The following CDH4 variants were observed in gnomAD, a reference collection of about 807,000 sequenced individuals.
The protein encoded by CDH4 is cadherin-4.
CDH4 carries 33 observed loss-of-function variants against 86.0 expected under a neutral mutation model. The observed-to-expected ratio is 0.38, with a 90% confidence interval of 0.29 to 0.51. CDH4 has a LOEUF of 0.51. CDH4 is among the 20% of genes least tolerant of loss of function. CDH4 has a pLI of 0.86. For synonymous variants in CDH4, 555 were observed against 549.4 expected (o/e 1.01, Z -0.14); for missense variants, 1,114 against 1,307.4 (o/e 0.85, Z 2.28).
intron 2 of CDH4, among the ~76,000 whole-genome samples, chr20:61,305,186 G>T (rs933516633): frequency 1.3e-5 from 2 of 152,182 alleles, no homozygotes; most frequent in Admixed American, 6.5e-5. Context: ...CCGTAAGTGT[G>T]TGTTTCGGTG....
chr20:61,658,312 A>T (rs1004271743), intron 2 of CDH4, among the ~76,000 whole-genome samples: 1 of 150,840 alleles, frequency 6.6e-6, no homozygotes, highest in East Asian at 2.0e-4. Flanking sequence ...TTAGAGAGGG[A>T]TCCAACATGT....
intron 2 of CDH4, among the ~76,000 whole-genome samples, chr20:61,579,728 C>T (rs2086411325): frequency 6.6e-6 from 1 of 152,152 alleles, no homozygotes; most frequent in Non-Finnish European, 1.5e-5. Context: ...CCGATGAATA[C>T]TTGTGGAGTT....
intron 2 of CDH4, among the ~76,000 whole-genome samples, chr20:61,318,923 C>T (rs1182285126): frequency 6.6e-6 from 1 of 152,220 alleles, no homozygotes; most frequent in Non-Finnish European, 1.5e-5. Context: ...GGGCAGAGAC[C>T]CCTCCTTGCC....
chr20:61,286,449 G>A (rs947574870), intron 2 of CDH4, among the ~76,000 whole-genome samples: 2 of 152,224 alleles, frequency 1.3e-5, no homozygotes, highest in African/African-American at 2.4e-5. Flanking sequence ...CAGCTTCTGC[G>A]GAGGGCATGG....
intron 7 of CDH4, among the ~76,000 whole-genome samples, chr20:61,890,173 T>C (rs1347370931): frequency 1.9e-5 from 2 of 105,756 alleles, no homozygotes; most frequent in Admixed American, 1.9e-4. Context: ...GAATGGATGG[T>C]TGGATGATGG....
intron 2 of CDH4, among the ~76,000 whole-genome samples, chr20:61,391,142 C>A (rs1336876556): frequency 2.6e-5 from 4 of 152,066 alleles, no homozygotes. Flanking sequence ...GGCCTCAGAG[C>A]ACTTGGACAT....
At chr20:61,917,041 C>T (rs2054909649) in intron 9 of CDH4, among the ~76,000 whole-genome samples, 2 of 152,206 alleles carry the variant, frequency 1.3e-5, no homozygotes, top group South Asian at 4.1e-4. Context: ...ATCAGTCACC[C>T]AAATCCTGGC....
intron 2 of CDH4, among the ~76,000 whole-genome samples, chr20:61,481,042 C>T (rs1212164913): frequency 6.6e-6 from 1 of 152,146 alleles, no homozygotes; most frequent in African/African-American, 2.4e-5. Flanking sequence ...GAAGTGTACC[C>T]GGTTAAGAAC....
At chr20:61,726,738 TGCTGCCATC>T (rs970217558) in intron 2 of CDH4, among the ~76,000 whole-genome samples, 2 of 145,354 alleles carry the variant, frequency 1.4e-5, no homozygotes, top group African/African-American at 5.1e-5. Context: ...TCATCACCAT[TGCTGCCATC>T]ATCGTCACCA....
rs1013153351 is a variant in CDH4, at chr20:61,811,802, G to T, written c.577-32866G>T. 1.3e-5 allele frequency among the ~76,000 whole-genome samples: 2 copies of T among 151,582 alleles called. No individual in the cohort carries two copies. The highest frequency in any genetic ancestry group is 6.6e-5 in the Admixed American group (1 of 15,202). On this transcript the variant is annotated intron_variant, in intron 4 of 15. Transcript: ENST00000614565. This position sits in a 1 kb window ranked among gnomAD's most constrained non-coding sequence, Gnocchi z 4.4. ...TTCTCCTGCCTCAGCCTCCCATGTAGCTGGTACTACAGGCACACGTCACCA... is the reference window on the plus strand; with the variant it reads ...TTCTCCTGCCTCAGCCTCCCATGTATCTGGTACTACAGGCACACGTCACCA...
At position 61,843,310 on chromosome 20, in the gene CDH4, C is replaced by T. The variant is rs866927794; in HGVS notation, c.577-1358C>T. 1.8e-3 allele frequency among the ~76,000 whole-genome samples: 272 copies of T among 151,340 alleles called. 1 individual carries two copies. The highest frequency in any genetic ancestry group is 6.3e-3 in the African/African-American group (260 of 41,294). On this transcript the variant is annotated intron_variant, in intron 4 of 15. Coordinates refer to ENST00000614565, the MANE Select transcript of CDH4 (RefSeq NM_001794.5). Reference sequence around the variant, plus strand: ...CTAAAAATACAAAAAATTAGCCGGGCGCGGTGGCGGGCGCCTGTAGTCCCA... The same window carrying T: ...CTAAAAATACAAAAAATTAGCCGGGTGCGGTGGCGGGCGCCTGTAGTCCCA...
intron 3 of CDH4, among the ~76,000 whole-genome samples, chr20:61,761,706 G>A (rs946165172): frequency 6.6e-6 from 1 of 152,182 alleles, no homozygotes; most frequent in Non-Finnish European, 1.5e-5. Context: ...ACAGAGGGGT[G>A]AGCGCGGATT....
At chr20:61,743,876 C>T (rs2088376772) in intron 3 of CDH4, 87 bp downstream of exon 3, 7 of 1,008,892 alleles carry the variant, frequency 6.9e-6, no homozygotes, top group African/African-American at 1.6e-5. Flanking sequence ...GCCAGGGCTC[C>T]CACAGGACAG....
intron 2 of CDH4, among the ~76,000 whole-genome samples, chr20:61,629,402 AATAAT>A (rs1207322341): frequency 1.3e-5 from 2 of 152,140 alleles, no homozygotes; most frequent in Non-Finnish European, 1.5e-5. Flanking sequence ...TAAAAAAAAA[AATAAT>A]TAAGAGCTTG....
At chr20:61,877,227 G>A (rs1437160960) in intron 7 of CDH4, among the ~76,000 whole-genome samples, 3 of 152,100 alleles carry the variant, frequency 2.0e-5, no homozygotes, top group Non-Finnish European at 4.4e-5. Flanking sequence ...CAGCCACCCA[G>A]AGATCTCCCC....
chr20:61,899,491 G>C (rs1209575752), intron 8 of CDH4, among the ~76,000 whole-genome samples: 1 of 152,082 alleles, frequency 6.6e-6, no homozygotes, highest in Non-Finnish European at 1.5e-5. Flanking sequence ...GCAGTGGCGT[G>C]GTCTCGGCTC....
At chr20:61,789,403 T>G (rs1256378208) in intron 4 of CDH4, among the ~76,000 whole-genome samples, 1 of 152,074 alleles carries the variant, frequency 6.6e-6, no homozygotes, top group Admixed American at 6.5e-5. Flanking sequence ...AGTTAAGCAA[T>G]CAGCCAAGGT....
chr20:61,717,298 A>G (rs2087967611), intron 2 of CDH4, among the ~76,000 whole-genome samples: 1 of 152,180 alleles, frequency 6.6e-6, no homozygotes, highest in Non-Finnish European at 1.5e-5. Context: ...GTGACAACAC[A>G]GGGTGGACAG....
At chr20:61,921,038 G>A (rs1463899781) in intron 9 of CDH4, among the ~76,000 whole-genome samples, 8 of 148,788 alleles carry the variant, frequency 5.4e-5, no homozygotes, top group Admixed American at 2.7e-4. Flanking sequence ...GCATGGAAGC[G>A]TGTCATGGTG....
Sources: allele counts gnomAD v4.1 joint callset (sites outside exome capture counted in the v4.1 genomes callset), GRCh38; gene constraint gnomAD v4.1.1; non-coding constraint Gnocchi (gnomAD v3.1); transcripts MANE v1.5; gene names NCBI Gene and HGNC (gene_info 2026-07-23, HGNC 2026-07-21).